The following KCNJ1 variants were observed in gnomAD, a reference collection of about 807,000 sequenced individuals.
KCNJ1 encodes potassium inwardly rectifying channel subfamily J member 1, also known as ATP-sensitive inward rectifier potassium channel 1.
In KCNJ1, 24 loss-of-function variants were observed where a neutral mutation model predicts 21.9. That is an observed-to-expected ratio of 1.10 (90% CI 0.79 to 1.54). The LOEUF is 1.54. Ranked by LOEUF, KCNJ1 falls within the 40% of genes most tolerant of loss-of-function variation. KCNJ1 has a pLI of 0.00. For synonymous variants in KCNJ1, 152 were observed against 160.9 expected (o/e 0.94, Z 0.42); for missense variants, 457 against 455.4 (o/e 1.00, Z -0.03).
At chr11:128,848,253 A>T (rs989248445) in intron 2 of KCNJ1, among the ~76,000 whole-genome samples, 1 of 139,856 alleles carries the variant, frequency 7.2e-6, no homozygotes, top group Non-Finnish European at 1.5e-5. Context: ...GCACCACTGC[A>T]CTCCAGCCTG....
At chr11:128,859,807 G>T (rs761510779) in intron 1 of KCNJ1, among the ~76,000 whole-genome samples, 4 of 152,226 alleles carry the variant, frequency 2.6e-5, no homozygotes, top group African/African-American at 9.6e-5. Flanking sequence ...AGGGAAGTGG[G>T]GGAGCTGGGC....
rs1404039854 is a variant in KCNJ1 at position 128,839,630 on chromosome 11, C to T, written c.614G>A (p.Ser205Asn). 1 of 1,613,930 alleles carries T rather than the reference C, an allele frequency of 6.2e-7. No individual in the cohort carries two copies. Among genetic ancestry groups the T allele is most frequent in the Admixed American group, 1.7e-5 (1 of 60,028 alleles). ...ANLRKSLLIG[S>N]HIYGKLLKTT... ...CTTCAGAAGCTTTCCATAAATGTGA[C>T]TGCCAATAAGAAGGCTCTTCCTGAG... Residue 205 changes from serine (S) to asparagine (N), a missense_variant, in exon 3 of 3, where the codon AGT becomes AAT. Transcript: ENST00000392666.
At chr11:128,853,633 A>G (rs80224889) in intron 1 of KCNJ1, among the ~76,000 whole-genome samples, 1 of 152,356 alleles carries the variant, frequency 6.6e-6, no homozygotes, top group East Asian at 1.9e-4. Context: ...ACACACTTCA[A>G]ATTAGTGGGT....
chr11:128,851,888 C>T (rs936106690), intron 1 of KCNJ1, among the ~76,000 whole-genome samples: 4 of 152,178 alleles, frequency 2.6e-5, no homozygotes, highest in African/African-American at 9.7e-5. Flanking sequence ...GCCCAGCTTC[C>T]ACAGACACAC....
At chr11:128,849,497 CACT>C (rs1003066449) in intron 2 of KCNJ1, among the ~76,000 whole-genome samples, 1 of 152,112 alleles carries the variant, frequency 6.6e-6, no homozygotes, top group Non-Finnish European at 1.5e-5. Context: ...TCTACAAAAG[CACT>C]ACAAGAGGAG....
intron 2 of KCNJ1, chr11:128,842,239 T>C: frequency 9.9e-7 from 1 of 1,012,196 alleles, no homozygotes; most frequent in South Asian, 1.4e-5. Flanking sequence ...ATTTTACTTT[T>C]AAAGGTAAAG....
At position 128,842,260 on chromosome 11, in the gene KCNJ1, T is replaced by C. The variant is rs1218935143; in HGVS notation, c.-21-1996A>G. Reference sequence around the variant, plus strand: ...CTTTTAAAGGTAAAGAAGATTTCTGTAGAGTGAAGAAGTACCCCCTGATTG... The same window carrying C: ...CTTTTAAAGGTAAAGAAGATTTCTGCAGAGTGAAGAAGTACCCCCTGATTG... On this transcript the variant is annotated intron_variant, in intron 2 of 2. Coordinates refer to ENST00000392666, the MANE Select transcript of KCNJ1 (RefSeq NM_153766.3). 4 of 1,099,352 alleles carry C rather than the reference T, an allele frequency of 3.6e-6. No individual in the cohort carries two copies. The East Asian group carries it at 9.7e-5, about 27-fold the overall frequency. 68.1% of individuals were successfully genotyped at this position (1,099,352 alleles called of 1,614,324 possible). A position where few individuals can be genotyped will look rare whatever the true frequency, so the allele number is the denominator to read the frequency against.
intron 1 of KCNJ1, among the ~76,000 whole-genome samples, chr11:128,858,061 G>A (rs983646342): frequency 6.6e-5 from 10 of 151,184 alleles, no homozygotes; most frequent in Non-Finnish European, 1.5e-4. Context: ...ATAAAATAGA[G>A]TGGGCAAAGG....
intron 1 of KCNJ1, among the ~76,000 whole-genome samples, chr11:128,854,116 C>T (rs985096318): frequency 7.5e-6 from 1 of 133,726 alleles, no homozygotes; most frequent in African/African-American, 2.8e-5. Context: ...CCTGGGTTGG[C>T]AGCTCCAGGG....
At chr11:128,845,126 T>C (rs971896083) in intron 2 of KCNJ1, among the ~76,000 whole-genome samples, 4 of 152,268 alleles carry the variant, frequency 2.6e-5, no homozygotes, top group Non-Finnish European at 5.9e-5. Context: ...AATGATTGAA[T>C]GGGATTATGG....
chr11:128,843,766 AT>A (rs1278050367), intron 2 of KCNJ1, among the ~76,000 whole-genome samples: 1 of 152,236 alleles, frequency 6.6e-6, no homozygotes, highest in Non-Finnish European at 1.5e-5. Context: ...GTATACATTA[AT>A]TTATTTATCA....
At chr11:128,851,829 T>A (rs1349715002) in intron 1 of KCNJ1, among the ~76,000 whole-genome samples, 1 of 152,198 alleles carries the variant, frequency 6.6e-6, no homozygotes, top group Non-Finnish European at 1.5e-5. Context: ...GTATGGACAC[T>A]CGGAGACTAG....
rs41302407 is a variant in KCNJ1, at chr11:128,840,045, T to C, written c.199A>G (p.Thr67Ala). 8,978 of 1,614,150 alleles carry C rather than the reference T, an allele frequency of 5.6e-3. 561 individuals are homozygous for C. In the Admixed American group the frequency reaches 0.12, roughly 22 times the overall value. ...AAAAACCAACTCCCCAAGAAGGCTGTGATGAAAATGGTCATTTTGTATCTC... is the reference window on the plus strand; with the variant it reads ...AAAAACCAACTCCCCAAGAAGGCTGCGATGAAAATGGTCATTTTGTATCTC... ...KWRYKMTIFI[T>A]AFLGSWFFFG... The change falls in exon 3 of 3, where the codon ACA (threonine) becomes GCA (alanine). Residue 67 changes from threonine to alanine, a missense_variant. Physicochemically the swap from Thr to Ala is moderately conservative, Grantham distance 58. Coordinates refer to ENST00000392666, the MANE Select transcript of KCNJ1 (RefSeq NM_153766.3).
At chr11:128,855,950 G>A (rs988168852) in intron 1 of KCNJ1, among the ~76,000 whole-genome samples, 22 of 152,238 alleles carry the variant, frequency 1.4e-4, no homozygotes, top group African/African-American at 4.8e-4. Context: ...TGTGTGAGCT[G>A]CAGAGGAAAT....
In KCNJ1 at chr11:128,845,313, G is replaced by T. The variant is rs528639958; in HGVS notation, c.-21-5049C>A. Among the ~76,000 whole-genome samples, 4 of 152,368 alleles carry T rather than the reference G, an allele frequency of 2.6e-5. 1 individual carries two copies. The South Asian group carries it at 6.2e-4, about 24-fold the overall frequency. Reference sequence around the variant, plus strand: ...TGTGGCAGGTTTGCTGCCTTGAAATGATTGAGGACACGATGTTAAGGCAGT... The same window carrying T: ...TGTGGCAGGTTTGCTGCCTTGAAATTATTGAGGACACGATGTTAAGGCAGT... On this transcript the variant is annotated intron_variant, in intron 2 of 2. Transcript: ENST00000392666.
At chr11:128,858,850 T>C (rs1229945622) in intron 1 of KCNJ1, among the ~76,000 whole-genome samples, 1 of 152,238 alleles carries the variant, frequency 6.6e-6, no homozygotes, top group East Asian at 1.9e-4. Context: ...TAGCTATATG[T>C]CTACCTTGGG....
intron 2 of KCNJ1, among the ~76,000 whole-genome samples, chr11:128,847,172 C>G (rs1195143970): frequency 6.6e-6 from 1 of 152,176 alleles, no homozygotes; most frequent in South Asian, 2.1e-4. Context: ...TAAGCCTCCC[C>G]CGCCGCATCA....
rs111249880 is a variant in KCNJ1, at chr11:128,842,386, G to A, written c.-21-2122C>T. 7.0e-5 allele frequency: 113 copies of A among 1,613,644 alleles called. No individual in the cohort carries two copies. The highest frequency in any genetic ancestry group is 8.7e-5 in the Non-Finnish European group (103 of 1,179,712). On this transcript the variant is annotated intron_variant, in intron 2 of 2. Coordinates refer to ENST00000392666, the MANE Select transcript of KCNJ1 (RefSeq NM_153766.3). Reference sequence around the variant, plus strand: ...ATTTCCCCAGCCTCCACTTACCAACGTGTCAAACACATTCCGACTGGAAGC... The same window carrying A: ...ATTTCCCCAGCCTCCACTTACCAACATGTCAAACACATTCCGACTGGAAGC...
chr11:128,843,145 A>T (rs1179755959), intron 2 of KCNJ1, among the ~76,000 whole-genome samples: 1 of 152,238 alleles, frequency 6.6e-6, no homozygotes, highest in Non-Finnish European at 1.5e-5. Flanking sequence ...GAATGCAATG[A>T]TACAGGATAA....
Sources: allele counts gnomAD v4.1 joint callset (sites outside exome capture counted in the v4.1 genomes callset), GRCh38; gene constraint gnomAD v4.1.1; transcripts MANE v1.5; gene names NCBI Gene and HGNC (gene_info 2026-07-23, HGNC 2026-07-21).